The following COL23A1 variants were observed in gnomAD, a reference collection of about 807,000 sequenced individuals.
The protein encoded by COL23A1 is collagen alpha-1(XXIII) chain.
COL23A1 carries 97 observed loss-of-function variants against 99.3 expected under a neutral mutation model. The observed-to-expected ratio is 0.98, with a 90% CI of 0.83 to 1.16. The LOEUF (loss-of-function observed/expected upper bound fraction) is 1.16, where lower values mean the gene tolerates loss of function less well. Among genes scored for constraint, COL23A1 ranks in the 50% most tolerant of loss-of-function variants. The pLI, the probability that COL23A1 is intolerant of heterozygous loss-of-function variation, is 0.00. For synonymous variants in COL23A1, 320 were observed against 308.2 expected, an observed-to-expected ratio of 1.04 and a Z score of -0.40; for missense variants, 762 against 757.4, an observed-to-expected ratio of 1.01 and a Z score of -0.07.
intron 2 of COL23A1, among the ~76,000 whole-genome samples, chr5:178,404,694 T>C (rs1366972397): frequency 6.6e-6 from 1 of 152,116 alleles, no homozygotes; most frequent in African/African-American, 2.4e-5. Context: ...CCATGTGTGA[T>C]AACCAGACCC....
chr5:178,386,592 C>T (rs116287949), intron 2 of COL23A1, among the ~76,000 whole-genome samples: 2 of 151,444 alleles, frequency 1.3e-5, no homozygotes, highest in Admixed American at 6.6e-5. Flanking sequence ...AGAGGGGGGT[C>T]GGGGTGGGTG....
chr5:178,547,478 CACACACACA>C (rs1761655654), intron 2 of COL23A1, among the ~76,000 whole-genome samples: 2 of 140,474 alleles, frequency 1.4e-5, no homozygotes, highest in East Asian at 2.2e-4. Flanking sequence ...CCCACACACC[CACACACACA>C]CCCACACATC....
At chr5:178,516,132 CATTT>C (rs1189923933) in intron 2 of COL23A1, among the ~76,000 whole-genome samples, 5 of 152,248 alleles carry the variant, frequency 3.3e-5, no homozygotes, top group African/African-American at 1.2e-4. Context: ...TCCTCGTCCT[CATTT>C]CCACCACCCT....
chr5:178,287,010 G>A (rs959976581), intron 5 of COL23A1, among the ~76,000 whole-genome samples: 2 of 152,000 alleles, frequency 1.3e-5, no homozygotes, highest in Admixed American at 6.6e-5. Context: ...CTCCCGAGCC[G>A]GTACTGGTAC....
intron 2 of COL23A1, among the ~76,000 whole-genome samples, chr5:178,460,527 G>A (rs1432760505): frequency 1.3e-5 from 2 of 152,164 alleles, no homozygotes; most frequent in East Asian, 1.9e-4. Flanking sequence ...GTGAGAGGGC[G>A]AAATAGTAAA....
chr5:178,266,318 G>A (rs146646523), intron 8 of COL23A1, among the ~76,000 whole-genome samples: 2,728 of 152,234 alleles, frequency 0.018, 86 homozygotes, highest in African/African-American at 0.062. Context: ...TAGGATTACA[G>A]GCATGAGCCA....
intron 2 of COL23A1, among the ~76,000 whole-genome samples, chr5:178,393,051 C>T (rs528326961): frequency 3.9e-5 from 6 of 152,328 alleles, no homozygotes; most frequent in Admixed American, 3.9e-4. Flanking sequence ...ACAGCGGGTG[C>T]CTGGCAGAAA....
intron 2 of COL23A1, among the ~76,000 whole-genome samples, chr5:178,487,298 TTATTTATTTATTTA>T: frequency 7.0e-6 from 1 of 143,766 alleles, no homozygotes; most frequent in Non-Finnish European, 1.5e-5. Flanking sequence ...TTTTATTTAT[TTATTTATTTATTTA>T]TTTATTTATT....
chr5:178,325,890 C>A (rs147192897), intron 2 of COL23A1, among the ~76,000 whole-genome samples: 56 of 152,276 alleles, frequency 3.7e-4, no homozygotes, highest in African/African-American at 1.3e-3. Context: ...GTCGTGCCTG[C>A]GCTTGTGCCT....
intron 2 of COL23A1, among the ~76,000 whole-genome samples, chr5:178,403,137 A>AAAAAAAAAAAAAAAAAAAAAAAGAG (rs1561940793): frequency 7.3e-6 from 1 of 137,060 alleles, no homozygotes; most frequent in African/African-American, 2.8e-5. Flanking sequence ...TAAATAAAAA[A>AAAAAAAAAAAAAAAAAAAAAAAGAG]TAAATACCAT....
intron 2 of COL23A1, among the ~76,000 whole-genome samples, chr5:178,474,399 T>C (rs892366410): frequency 9.2e-5 from 14 of 152,216 alleles, no homozygotes; most frequent in Admixed American, 5.9e-4. Context: ...AAATAAATGG[T>C]AAAAGGTCCT....
At chr5:178,274,098 C>T (rs1280011998) in intron 5 of COL23A1, among the ~76,000 whole-genome samples, 2 of 152,252 alleles carry the variant, frequency 1.3e-5, no homozygotes, top group African/African-American at 2.4e-5. Context: ...CACTGGGTTA[C>T]ACTCTGCGGA....
intron 2 of COL23A1, among the ~76,000 whole-genome samples, chr5:178,358,417 ATGTGTGTGTATG>A (rs1761935702): frequency 9.0e-6 from 1 of 111,500 alleles, no homozygotes; most frequent in Non-Finnish European, 2.0e-5. Flanking sequence ...GTGTATGTGT[ATGTGTGTGTATG>A]TGTATGTGTG....
chr5:178,432,774 C>G (rs1228596202), intron 2 of COL23A1, among the ~76,000 whole-genome samples: 1 of 152,128 alleles, frequency 6.6e-6, no homozygotes, highest in Admixed American at 6.5e-5. Context: ...GTGCTGAGTG[C>G]CTGCCTGGGA....
At chr5:178,451,045 T>C (rs1264446829) in intron 2 of COL23A1, among the ~76,000 whole-genome samples, 1 of 152,234 alleles carries the variant, frequency 6.6e-6, no homozygotes, top group South Asian at 2.1e-4. Flanking sequence ...TTATTAAAAC[T>C]AAATCCTTGC....
At chr5:178,505,693 C>CT (rs894568641) in intron 2 of COL23A1, among the ~76,000 whole-genome samples, 2 of 152,144 alleles carry the variant, frequency 1.3e-5, no homozygotes, top group African/African-American at 4.8e-5. Flanking sequence ...ACTTCAGCAT[C>CT]TTTTTGAAGG....
intron 2 of COL23A1, among the ~76,000 whole-genome samples, chr5:178,388,041 G>A (rs764656683): frequency 8.9e-4 from 136 of 152,172 alleles, no homozygotes; most frequent in Non-Finnish European, 1.1e-3. Context: ...TCCACCCAGC[G>A]CACGCTCTCC....
At chr5:178,330,798 C>G (rs538726914) in intron 2 of COL23A1, among the ~76,000 whole-genome samples, 1 of 152,370 alleles carries the variant, frequency 6.6e-6, no homozygotes, top group East Asian at 1.9e-4. Flanking sequence ...TTCACCCCAG[C>G]TGCACAATCC....
intron 2 of COL23A1, among the ~76,000 whole-genome samples, chr5:178,548,459 C>A (rs1159327985): frequency 6.6e-6 from 1 of 152,088 alleles, no homozygotes; most frequent in Non-Finnish European, 1.5e-5. Flanking sequence ...CGGGAGTCAC[C>A]CGATCTTCCC....
Sources: allele counts gnomAD v4.1 joint callset (sites outside exome capture counted in the v4.1 genomes callset), GRCh38; gene constraint gnomAD v4.1.1; transcripts MANE v1.5; gene names NCBI Gene and HGNC (gene_info 2026-07-23, HGNC 2026-07-21).